The following DDR2 variants were observed in gnomAD, a reference collection of about 807,000 sequenced individuals.
The protein encoded by DDR2 is discoidin domain receptor tyrosine kinase 2.
In DDR2, 27 loss-of-function variants were observed where a neutral mutation model predicts 94.9. The ratio of observed to expected loss-of-function variants is 0.28; its 90% CI spans 0.21 to 0.39. DDR2 has a LOEUF of 0.39. DDR2 is among the 10% of genes least tolerant of loss of function. The probability of loss-of-function intolerance (pLI) is 1.00; values close to 1 mark genes in which losing one functional copy is unlikely to be tolerated. For synonymous variants in DDR2, 382 were observed against 377.2 expected, an observed-to-expected ratio of 1.01 and a Z score of -0.15; for missense variants, 783 against 1,076.0, an observed-to-expected ratio of 0.73 and a Z score of 3.81.
At chr1:162,660,697 T>G (rs1658248243) in intron 2 of DDR2, among the ~76,000 whole-genome samples, 1 of 152,208 alleles carries the variant, frequency 6.6e-6, no homozygotes. Flanking sequence ...ACACCTTCCC[T>G]CCTGAGAGTG....
At chr1:162,717,947 C>A (rs779418991) in intron 2 of DDR2, among the ~76,000 whole-genome samples, 3 of 152,134 alleles carry the variant, frequency 2.0e-5, no homozygotes, top group Non-Finnish European at 2.9e-5. Context: ...TCTTAAGGAG[C>A]TGGGGAAGGG....
intron 7 of DDR2, among the ~76,000 whole-genome samples, chr1:162,757,505 G>A (rs1243346082): frequency 6.6e-6 from 1 of 152,196 alleles, no homozygotes; most frequent in East Asian, 1.9e-4. Flanking sequence ...TGCAGGAGAA[G>A]CAAAACAAAG....
At chr1:162,647,571 T>A (rs1428443918) in intron 1 of DDR2, among the ~76,000 whole-genome samples, 2 of 152,242 alleles carry the variant, frequency 1.3e-5, no homozygotes, top group Non-Finnish European at 2.9e-5. Flanking sequence ...CTTGTAGTTA[T>A]TTCTTGATTA....
intron 2 of DDR2, among the ~76,000 whole-genome samples, chr1:162,688,743 G>T (rs1462283241): frequency 1.3e-5 from 2 of 152,208 alleles, no homozygotes; most frequent in African/African-American, 4.8e-5. Context: ...GTCCTGGGTT[G>T]AACTTAGCTA....
At chr1:162,688,717 T>C (rs1329570957) in intron 2 of DDR2, among the ~76,000 whole-genome samples, 1 of 152,204 alleles carries the variant, frequency 6.6e-6, no homozygotes, top group Non-Finnish European at 1.5e-5. Flanking sequence ...TCAGGAGACG[T>C]GATAATCCAC....
chr1:162,745,188 T>C (rs1371742546), intron 3 of DDR2, among the ~76,000 whole-genome samples: 1 of 152,248 alleles, frequency 6.6e-6, no homozygotes, highest in Non-Finnish European at 1.5e-5. Context: ...ATCATATTTT[T>C]TGTTTCCTAT....
chr1:162,705,969 G>T (rs1660644093), intron 2 of DDR2, among the ~76,000 whole-genome samples: 1 of 152,220 alleles, frequency 6.6e-6, no homozygotes, highest in African/African-American at 2.4e-5. Context: ...TTGAGGAGGA[G>T]ATAAAAATTT....
At chr1:162,751,303 A>AAAATC (rs538062197) in intron 3 of DDR2, among the ~76,000 whole-genome samples, 152 of 152,324 alleles carry the variant, frequency 1.0e-3, no homozygotes, top group African/African-American at 3.5e-3. Context: ...TATAAGAAAA[A>AAAATC]AAATCAAACA....
chr1:162,750,080 G>T (rs1663104091), intron 3 of DDR2, among the ~76,000 whole-genome samples: 2 of 152,146 alleles, frequency 1.3e-5, no homozygotes, highest in Non-Finnish European at 2.9e-5. Flanking sequence ...TTGAAAACTG[G>T]CACAAGACAG....
At chr1:162,729,699 G>A (rs1441362193) in intron 3 of DDR2, among the ~76,000 whole-genome samples, 1 of 151,176 alleles carries the variant, frequency 6.6e-6, no homozygotes, top group Non-Finnish European at 1.5e-5. Context: ...GGAAGTCAAG[G>A]AAACTCCCAG....
rs189206909 is a variant in DDR2, at chr1:162,770,381, G to A, written c.1373G>A (p.Arg458His). 9 of 1,613,972 alleles carry A rather than the reference G, an allele frequency of 5.6e-6. No homozygotes were observed. The Admixed American group carries it at 8.3e-5, about 15-fold the overall frequency. ...PSDSSMFNNNRSSSPSEQGSN... is the reference protein window; with the variant it reads ...PSDSSMFNNNHSSSPSEQGSN... The stretch of plus-strand genomic sequence containing the variant: ...GATTCTAGCATGTTCAACAATAACC[G>A]CTCCTCATCACCTAGTGAACAAGGG... Residue 458 changes from arginine to histidine, a missense_variant, in exon 12 of 18, where the codon CGC (arginine) becomes CAC (histidine). Physicochemically the swap from Arg to His is conservative, Grantham distance 29. This residue lies in a region of DDR2 where 519 missense variants were observed against 647.9 expected (regional missense o/e 0.80). Transcript: ENST00000367921.
chr1:162,673,039 G>A (rs1234142324), intron 2 of DDR2, among the ~76,000 whole-genome samples: 4 of 152,244 alleles, frequency 2.6e-5, no homozygotes, highest in Admixed American at 2.0e-4. Flanking sequence ...ACATCATTAT[G>A]TACGTTCTTT....
chr1:162,760,081 A>G, intron 8 of DDR2, 102 bp downstream of exon 8: 1 of 1,465,978 alleles, frequency 6.8e-7, no homozygotes, highest in Non-Finnish European at 9.5e-7. Flanking sequence ...ATGCCAGTTC[A>G]ATGACATATT....
rs572243397 is a variant in DDR2, at chr1:162,775,833, C to G, written c.2038C>G (p.Arg680Gly). 2.5e-6 allele frequency: 4 copies of G among 1,613,998 alleles called. No individual in the cohort carries two copies. The East Asian group carries it at 6.7e-5, about 27-fold the overall frequency. ...CCCTAATTCTTCCTCCAGCGATGTA[C>G]GCACTGTCAGGTAAACAAGCCAGGT... ...EPPNSSSSDV[R>G]TVSYTNLKFM... Residue 680 changes from arginine to glycine, a missense_variant, in exon 15 of 18, where the codon CGC (arginine) becomes GGC (glycine). Arg to Gly is a moderately radical substitution (Grantham distance 125). This residue lies in a region of DDR2 where 264 missense variants were observed against 428.2 expected (regional missense o/e 0.62). Coordinates refer to ENST00000367921, the MANE Select transcript of DDR2 (RefSeq NM_006182.4).
intron 3 of DDR2, among the ~76,000 whole-genome samples, chr1:162,744,737 G>A (rs1662769158): frequency 6.7e-6 from 1 of 148,570 alleles, no homozygotes; most frequent in Non-Finnish European, 1.5e-5. Context: ...CACATTTTCT[G>A]TATCTACTTA....
At chr1:162,772,339 C>A (rs1647270598) in intron 13 of DDR2, 92 bp downstream of exon 13, 2 of 1,272,210 alleles carry the variant, frequency 1.6e-6, no homozygotes, top group Non-Finnish European at 2.2e-6. Flanking sequence ...GAGGTGGATT[C>A]ACAACAGAAT....
Position 162,770,292 on chromosome 1 carries a change from T to G in DDR2, c.1294-10T>G. 2 of 1,613,738 alleles carry G rather than the reference T, an allele frequency of 1.2e-6. No individual in the cohort carries two copies. Among genetic ancestry groups the G allele is most frequent in the Non-Finnish European group, 1.7e-6 (2 of 1,179,916 alleles). On this transcript the variant is annotated splice_polypyrimidine_tract_variant and intron_variant, in intron 11 of 17. Transcript: ENST00000367921. Reference sequence around the variant, plus strand: ...GCCAACATGCCTTTCTCCTTGCTCTTCTCTTCCAGGCTTCTCGGAGGATGC... The same window carrying G: ...GCCAACATGCCTTTCTCCTTGCTCTGCTCTTCCAGGCTTCTCGGAGGATGC...
intron 3 of DDR2, among the ~76,000 whole-genome samples, chr1:162,733,656 C>T (rs562849314): frequency 2.0e-5 from 3 of 152,310 alleles, no homozygotes; most frequent in African/African-American, 7.2e-5. Context: ...ATACTTGTAG[C>T]CCTCTCTGCC....
intron 3 of DDR2, among the ~76,000 whole-genome samples, chr1:162,751,538 C>T (rs918750123): frequency 6.6e-5 from 10 of 152,304 alleles, no homozygotes; most frequent in South Asian, 6.2e-4. Context: ...AATGCTTTTA[C>T]GCTGTTGGTG....
Sources: gnomAD v4.1 joint callset for allele counts (sites outside exome capture counted in the v4.1 genomes callset) on GRCh38, gnomAD v4.1.1 for gene constraint, gnomAD v4.1.1 regional missense constraint, MANE v1.5 for transcripts, NCBI Gene and HGNC (gene_info 2026-07-23, HGNC 2026-07-21) for gene names.